MINDY1: variants seen among roughly 807,000 people sequenced by gnomAD.
MINDY1 encodes the protein ubiquitin carboxyl-terminal hydrolase MINDY-1.
A neutral mutation model predicts 53.6 loss-of-function variants in MINDY1; 50 were observed. The ratio of observed to expected loss-of-function variants is 0.93; its 90% CI spans 0.74 to 1.18. The LOEUF (loss-of-function observed/expected upper bound fraction) is 1.18. Among genes scored for constraint, MINDY1 ranks in the 50% most tolerant of loss-of-function variants. MINDY1 has a pLI of 0.00. For synonymous variants in MINDY1, 231 were observed against 234.7 expected (o/e 0.98, Z 0.14); for missense variants, 484 against 578.6 (o/e 0.84, Z 1.68).
At chr1:151,005,910 G>A (rs747275118) in intron 1 of MINDY1, among the ~76,000 whole-genome samples, 5 of 152,192 alleles carry the variant, frequency 3.3e-5, no homozygotes, top group South Asian at 2.1e-4. Context: ...GTAGAGAGCC[G>A]AAAGTTGGAA....
At position 150,999,253 on chromosome 1, in the gene MINDY1, G is replaced by C; in HGVS notation, c.981+116C>G. The C allele has an allele frequency of 7.0e-7, 1 of 1,423,312 alleles. No homozygotes were observed. The highest frequency in any genetic ancestry group is 2.3e-5 in the East Asian group (1 of 43,600). 88.2% of individuals were successfully genotyped at this position (1,423,312 alleles called of 1,614,324 possible). A position where few individuals can be genotyped will look rare whatever the true frequency, so the allele number is the denominator to read the frequency against. ...AACCTTTGTTGTGGTAAACCACAGG[G>C]ATTTGAGGGGTCACTTGCTACCACG... On this transcript the variant is annotated intron_variant, in intron 7 of 9. Coordinates refer to ENST00000683666, the MANE Select transcript of MINDY1 (RefSeq NM_001376665.1). The surrounding 1 kb of genome is among the most constrained non-coding windows in gnomAD (Gnocchi z 4.4).
chr1:150,999,521 AGGGACGAGTC>A lies in MINDY1; in HGVS notation c.839-20_839-11del. On this transcript the variant is annotated splice_polypyrimidine_tract_variant and intron_variant, in intron 6 of 9. Transcript: ENST00000683666. The surrounding 1 kb of genome is among the most constrained non-coding windows in gnomAD (Gnocchi z 4.4). ...TGCTCTGCAATCAGGCCTGCCAGAA[AGGGACGAGTC>A]GGGGGAAACTTGGCTTAAATTCAAG... 1 of 1,613,616 alleles carries A rather than the reference AGGGACGAGTC, an allele frequency of 6.2e-7. No homozygotes were observed. Among genetic ancestry groups the A allele is most frequent in the African/African-American group, 1.3e-5 (1 of 75,012 alleles).
chr1:151,007,808 G>A (rs1393795480), upstream of MINDY1, among the ~76,000 whole-genome samples: 2 of 152,200 alleles, frequency 1.3e-5, no homozygotes, highest in Non-Finnish European at 2.9e-5. Flanking sequence ...TAAACTCTAT[G>A]TACAGGGCCG....
intron 7 of MINDY1, among the ~76,000 whole-genome samples, chr1:150,998,666 C>A (rs774606680): frequency 6.6e-6 from 1 of 152,170 alleles, no homozygotes; most frequent in East Asian, 1.9e-4. Context: ...CCTGAGCATG[C>A]GGACCTTTTA....
In MINDY1 at chr1:150,999,763, T is replaced by A; in HGVS notation, c.838+99A>T. On this transcript the variant is annotated intron_variant, in intron 6 of 9. Transcript: ENST00000683666. The surrounding 1 kb of genome is among the most constrained non-coding windows in gnomAD (Gnocchi z 4.4). The stretch of plus-strand genomic sequence containing the variant: ...CAAGCTCCTTCTTGTGAAGCTTATA[T>A]CTAGTGGGATGTGGTAGGAGATGAC... 1 of 1,144,806 alleles carries A rather than the reference T, an allele frequency of 8.7e-7. No individual in the cohort carries two copies. Among genetic ancestry groups the A allele is most frequent in the Non-Finnish European group, 1.3e-6 (1 of 787,808 alleles). 70.9% of individuals were successfully genotyped at this position (1,144,806 alleles called of 1,614,324 possible).
In MINDY1 at chr1:150,997,209, G is replaced by A; in HGVS notation, c.*78C>T. On this transcript the variant is annotated 3_prime_UTR_variant, in exon 10 of 10. Transcript: ENST00000683666. ...TAAATAAGTTATCCAGCACATCTCA[G>A]GGGTGGAGGCGGGGGAGCAAGCCAA... 1 of 1,409,604 alleles carries A rather than the reference G, an allele frequency of 7.1e-7. No homozygotes were observed. 87.3% of individuals were successfully genotyped at this position (1,409,604 alleles called of 1,614,324 possible).
intron 9 of MINDY1, 36 bp from the exon 10 acceptor site, chr1:150,997,403 T>C (rs1671941161): frequency 6.3e-7 from 1 of 1,576,004 alleles, no homozygotes; most frequent in African/African-American, 1.4e-5. Context: ...CTGAACTTCC[T>C]TGGAAGAGCA....
Position 150,998,185 on chromosome 1 carries a change from C to T in MINDY1, c.1070G>A (p.Ser357Asn). Residue 357 changes from serine (S) to asparagine (N), a missense_variant, in exon 8 of 10, where the codon AGC becomes AAC. Physicochemically the swap from Ser to Asn is conservative, Grantham distance 46 (BLOSUM62 1). Transcript: ENST00000683666. ...GTGAAAGTCAGAGTCACAAAAGCAG[C>T]TGTCTCCATCCACATTGTGCAGGCT... ...WESLHNVDGDSCFCDSDFHLS... is the reference protein window; with the variant it reads ...WESLHNVDGDNCFCDSDFHLS... The T allele has an allele frequency of 6.2e-7, 1 of 1,614,178 alleles. No individual in the cohort carries two copies. Among genetic ancestry groups the T allele is most frequent in the Non-Finnish European group, 8.5e-7 (1 of 1,180,048 alleles).
Position 150,998,114 on chromosome 1 carries a change from C to T in MINDY1, c.1141G>A (p.Gly381Ser). ...GKGPGAEGGS[G>S]SPETQLQVDQ... ...ACCTGCAGCTGCGTTTCTGGGGAGC[C>T]ACTCCCACCTTCTGCTCCAGGCCCC... The change falls in exon 8 of 10, where the codon GGC becomes AGC. Residue 381 changes from glycine to serine, a missense_variant. Physicochemically the swap from Gly to Ser is moderately conservative, Grantham distance 56. Transcript: ENST00000683666. 6.2e-7 allele frequency: 1 copy of T among 1,613,212 alleles called. No homozygotes were observed. The highest frequency in any genetic ancestry group is 8.5e-7 in the Non-Finnish European group (1 of 1,179,894).
chr1:151,000,681 A>G, intron 4 of MINDY1, 66 bp from the exon 5 acceptor site: 1 of 1,518,990 alleles, frequency 6.6e-7, no homozygotes, highest in Admixed American at 2.2e-5. Context: ...TCCCACCTGC[A>G]GAAATTAAAA....
intron 1 of MINDY1, among the ~76,000 whole-genome samples, chr1:151,004,731 A>AAAAATAAAAT (rs139261422): frequency 2.9e-5 from 4 of 136,490 alleles, no homozygotes; most frequent in South Asian, 2.5e-4. Context: ...ACTCCATCTC[A>AAAAATAAAAT]AAAATAAAAT....
At chr1:150,998,052 C>T (rs1215601526) in intron 8 of MINDY1, 30 bp downstream of exon 8, 1 of 1,585,308 alleles carries the variant, frequency 6.3e-7, no homozygotes, top group Non-Finnish European at 8.6e-7. Flanking sequence ...CACATGTGCT[C>T]TCTGCACTTT....
intron 4 of MINDY1, 52 bp from the exon 5 acceptor site, chr1:151,000,667 C>T (rs1328751451): frequency 2.1e-5 from 32 of 1,548,480 alleles, no homozygotes; most frequent in Non-Finnish European, 2.7e-5. Flanking sequence ...TCCCACCACT[C>T]CACTCCCACC....
intron 4 of MINDY1, among the ~76,000 whole-genome samples, chr1:151,000,984 T>C (rs1472317541): frequency 6.6e-6 from 1 of 151,434 alleles, no homozygotes; most frequent in Non-Finnish European, 1.5e-5. Flanking sequence ...GAGACAGGGG[T>C]ATTATTATGT....
intron 1 of MINDY1, among the ~76,000 whole-genome samples, chr1:151,004,372 C>A (rs1295824644): frequency 6.6e-6 from 1 of 152,178 alleles, no homozygotes; most frequent in Non-Finnish European, 1.5e-5. Context: ...CTTTGGAAAA[C>A]ATCTCCCTTC....
intron 4 of MINDY1, 136 bp from the exon 5 acceptor site, chr1:151,000,751 C>G: frequency 1.1e-6 from 1 of 874,560 alleles, no homozygotes; most frequent in South Asian, 1.7e-5. Flanking sequence ...TCTCCCTTGC[C>G]TCAACCCTTC....
rs776658437 is a variant in MINDY1, at chr1:151,002,134, T to A, written c.453+31A>T. 5 of 1,556,844 alleles carry A rather than the reference T, an allele frequency of 3.2e-6. No individual in the cohort carries two copies. The highest frequency in any genetic ancestry group is 1.2e-5 in the South Asian group (1 of 82,230). The stretch of plus-strand genomic sequence containing the variant: ...GTCAGGGAAGAGTACTCCCTGATAT[T>A]TTTTGCACCCCTAACTGCATGTTCT... On this transcript the variant is annotated intron_variant, in intron 2 of 9. Transcript: ENST00000683666. The surrounding 1 kb of genome is among the most constrained non-coding windows in gnomAD (Gnocchi z 4.1).
At chr1:151,004,457 C>T (rs1242461940) in intron 1 of MINDY1, among the ~76,000 whole-genome samples, 2 of 151,790 alleles carry the variant, frequency 1.3e-5, no homozygotes, top group African/African-American at 2.4e-5. Flanking sequence ...GGGCCAGGCG[C>T]GGTGGCTCAC....
In MINDY1 at chr1:150,997,750, C is replaced by G; in HGVS notation, c.1203G>C (p.Gln401His). Residue 401 changes from glutamine to histidine, a missense_variant, in exon 9 of 10, where the codon CAG becomes CAC. By Grantham distance (24) the Gln-to-His change is conservative. Coordinates refer to ENST00000683666, the MANE Select transcript of MINDY1 (RefSeq NM_001376665.1). ...QDYLIALSLQ[Q>H]QQPRGPLGLT... ...GCCCCAGCGGGCCTCGTGGCTGTTG[C>G]TGCTGCAGGGACAGAGCAATCAGGT... The G allele has an allele frequency of 6.2e-7, 1 of 1,613,714 alleles. No homozygotes were observed. Among genetic ancestry groups the G allele is most frequent in the Non-Finnish European group, 8.5e-7 (1 of 1,179,932 alleles).
Sources: gnomAD v4.1 joint callset for allele counts (sites outside exome capture counted in the v4.1 genomes callset) on GRCh38, gnomAD v4.1.1 for gene constraint, Gnocchi (gnomAD v3.1) non-coding constraint, MANE v1.5 for transcripts, NCBI Gene and HGNC (gene_info 2026-07-23, HGNC 2026-07-21) for gene names.